Variants in ROBO2 observed in about 807,000 individuals in gnomAD.
ROBO2 encodes roundabout homolog 2.
ROBO2 carries 53 observed loss-of-function variants against 160.8 expected under a neutral mutation model. The ratio of observed to expected loss-of-function variants is 0.33; its 90% CI spans 0.26 to 0.41. ROBO2 has a LOEUF of 0.41. Ranked by LOEUF, ROBO2 falls within the 10% of genes least tolerant of loss-of-function variation. The pLI is 1.00. For synonymous variants in ROBO2, 664 were observed against 611.7 expected, an observed-to-expected ratio of 1.09 and a Z score of -1.26; for missense variants, 1,577 against 1,722.4, an observed-to-expected ratio of 0.92 and a Z score of 1.49.
chr3:77,557,122 G>T (rs1470871304), intron 8 of ROBO2, among the ~76,000 whole-genome samples: 1 of 151,744 alleles, frequency 6.6e-6, no homozygotes, highest in East Asian at 1.9e-4. Context: ...CAGTTGTATT[G>T]TACTACCGAA....
chr3:76,965,956 C>G (rs1261754089), intron 2 of ROBO2, among the ~76,000 whole-genome samples: 2 of 123,586 alleles, frequency 1.6e-5, no homozygotes, highest in African/African-American at 6.2e-5. Flanking sequence ...GAGTTTCACT[C>G]TTGTTGCCCA....
chr3:77,236,616 G>T (rs2088025670), intron 2 of ROBO2, among the ~76,000 whole-genome samples: 1 of 152,112 alleles, frequency 6.6e-6, no homozygotes, highest in Admixed American at 6.6e-5. Context: ...TTGGATAAAT[G>T]CATAATGATA....
chr3:76,280,510 G>A (rs1269775958), intron 2 of ROBO2, among the ~76,000 whole-genome samples: 1 of 151,948 alleles, frequency 6.6e-6, no homozygotes, highest in Admixed American at 6.6e-5. Flanking sequence ...CTTGCTCCTA[G>A]ACTTTTTAGT....
intron 2 of ROBO2, among the ~76,000 whole-genome samples, chr3:75,957,311 G>T (rs1249725546): frequency 6.7e-6 from 1 of 150,202 alleles, no homozygotes; most frequent in East Asian, 2.0e-4. Flanking sequence ...TCCTATTATT[G>T]AAATTCCTGT....
intron 2 of ROBO2, among the ~76,000 whole-genome samples, chr3:76,536,476 G>A (rs1276228546): frequency 2.0e-5 from 3 of 152,132 alleles, no homozygotes; most frequent in Non-Finnish European, 4.4e-5. Flanking sequence ...ACTGGGCTGG[G>A]TTTTCGTCTT....
chr3:76,791,534 T>A (rs187069768), intron 2 of ROBO2, among the ~76,000 whole-genome samples: 189 of 151,260 alleles, frequency 1.2e-3, no homozygotes, highest in South Asian at 0.011. Flanking sequence ...TCTCTCTCTC[T>A]CACACACACA....
In ROBO2 at chr3:77,409,092, CAT is replaced by C. The variant is rs35014479; in HGVS notation, c.389-68313_389-68312del. On this transcript the variant is annotated intron_variant, in intron 2 of 25. Transcript: ENST00000461745. ...TTATGCTAGCATCTTGAAATACATA[CAT>C]ATATATATGTATATATATATATATA... 2.3e-5 allele frequency among the ~76,000 whole-genome samples: 3 copies of C among 128,018 alleles called. No homozygotes were observed. In the South Asian group the frequency reaches 7.3e-4, roughly 31 times the overall value. 84.0% of individuals were successfully genotyped at this position (128,018 alleles called of 152,430 possible).
At chr3:77,040,439 A>C (rs1219473812) in exon 1 of ROBO2, 5 of 1,071,980 alleles carry the variant, frequency 4.7e-6, no homozygotes, top group African/African-American at 1.7e-5. Flanking sequence ...TTGACTTCTG[A>C]AGGAAGAACT....
chr3:77,116,356 C>T (rs1244593149), intron 2 of ROBO2, among the ~76,000 whole-genome samples: 3 of 152,132 alleles, frequency 2.0e-5, no homozygotes, highest in African/African-American at 7.2e-5. Flanking sequence ...TGTAACTGTT[C>T]ATATTCAGCA....
intron 2 of ROBO2, among the ~76,000 whole-genome samples, chr3:76,933,940 A>G (rs1259749672): frequency 2.0e-5 from 3 of 152,216 alleles, no homozygotes; most frequent in African/African-American, 7.2e-5. Flanking sequence ...TATTGCTTAT[A>G]TAAAAATAGT....
intron 2 of ROBO2, among the ~76,000 whole-genome samples, chr3:76,812,501 A>T (rs753337938): frequency 5.0e-4 from 75 of 150,200 alleles, no homozygotes; most frequent in Non-Finnish European, 8.6e-4. Flanking sequence ...GCCTTAATTT[A>T]AAAAAAAAGG....
chr3:76,191,784 AATATTTCTCAC>A (rs1039276863), intron 2 of ROBO2, among the ~76,000 whole-genome samples: 4 of 152,088 alleles, frequency 2.6e-5, no homozygotes. Context: ...TTCTTTTTGT[AATATTTCTCAC>A]ATCCCTCTGC....
At position 76,834,062 on chromosome 3, in the gene ROBO2, T is replaced by TTTTCTTTCTTTCTTTCTTTCTTTC. The variant is rs71104628; in HGVS notation, c.110-263922_110-263899dup. Among the ~76,000 whole-genome samples, 582 of 88,074 alleles carry TTTTCTTTCTTTCTTTCTTTCTTTC rather than the reference T, an allele frequency of 6.6e-3. 16 individuals are homozygous for TTTTCTTTCTTTCTTTCTTTCTTTC. Among genetic ancestry groups the TTTTCTTTCTTTCTTTCTTTCTTTC allele is most frequent in the East Asian group, 0.015 (40 of 2,694 alleles). The allele number at this position is 88,074 out of a possible 152,430, so 57.8% of individuals were successfully genotyped here. A position where few individuals can be genotyped will look rare whatever the true frequency, so the allele number is the denominator to read the frequency against. On this transcript the variant is annotated intron_variant, in intron 2 of 26. Transcript: ENST00000487694. The stretch of plus-strand genomic sequence containing the variant: ...TTCCTTTCTTTCTCTCCTTTCTTTC[T>TTTTCTTTCTTTCTTTCTTTCTTTC]TTTCTTTCTTTCTTTCTTTCTTTCT...
chr3:76,636,836 G>T (rs1036430152), intron 2 of ROBO2, among the ~76,000 whole-genome samples: 3 of 131,416 alleles, frequency 2.3e-5, no homozygotes, highest in Non-Finnish European at 5.3e-5. Flanking sequence ...TTGCTTCTAG[G>T]CAGGGTGACA....
At chr3:77,425,509 A>C (rs2153536278) in intron 2 of ROBO2, among the ~76,000 whole-genome samples, 1 of 152,220 alleles carries the variant, frequency 6.6e-6, no homozygotes, top group African/African-American at 2.4e-5. Context: ...ACAGGGACAA[A>C]GTGCTAAGCA....
chr3:76,663,475 A>C (rs1316123123), intron 2 of ROBO2, among the ~76,000 whole-genome samples: 2 of 152,202 alleles, frequency 1.3e-5, no homozygotes, highest in African/African-American at 4.8e-5. Flanking sequence ...TAGTGCTTCT[A>C]TAGTCTTTCC....
intron 2 of ROBO2, among the ~76,000 whole-genome samples, chr3:76,375,091 C>T (rs1337526153): frequency 6.6e-6 from 1 of 151,810 alleles, no homozygotes. Context: ...AAACATTAAG[C>T]ATTGTGAGGT....
chr3:76,082,469 T>A (rs2068867766), intron 2 of ROBO2, among the ~76,000 whole-genome samples: 1 of 152,122 alleles, frequency 6.6e-6, no homozygotes, highest in Admixed American at 6.5e-5. Flanking sequence ...TGACAGTTTC[T>A]TAAATAGAAG....
intron 19 of ROBO2, among the ~76,000 whole-genome samples, chr3:77,601,074 C>T (rs1025526507): frequency 9.2e-5 from 14 of 152,122 alleles, no homozygotes; most frequent in African/African-American, 3.1e-4. Flanking sequence ...TCTTTCTACA[C>T]TTGCTAAAGA....
Sources: gnomAD v4.1 joint callset for allele counts (sites outside exome capture counted in the v4.1 genomes callset) on GRCh38, gnomAD v4.1.1 for gene constraint, MANE v1.5 for transcripts, NCBI Gene and HGNC (gene_info 2026-07-23, HGNC 2026-07-21) for gene names.